Variants in KCNH7 observed in about 807,000 individuals in gnomAD.
KCNH7 encodes the protein voltage-gated inwardly rectifying potassium channel KCNH7.
KCNH7 carries 49 observed loss-of-function variants against 120.8 expected under a neutral mutation model. That is an observed-to-expected ratio of 0.41 (90% CI 0.32 to 0.51). The LOEUF is 0.51. Ranked by LOEUF, KCNH7 falls within the 20% of genes least tolerant of loss-of-function variation. KCNH7 has a pLI of 0.38. For missense variants in KCNH7, 1,097 were observed against 1,446.6 expected (o/e 0.76, Z 3.92); for synonymous variants, 547 against 516.1 (o/e 1.06, Z -0.81).
In KCNH7 at chr2:162,439,141, C is replaced by T. The variant is rs187120776; in HGVS notation, c.1555-3544G>A. Among the ~76,000 whole-genome samples the T allele has an allele frequency of 8.5e-5, 13 of 152,080 alleles. No individual in the cohort carries two copies. In the East Asian group the frequency reaches 2.5e-3, roughly 29 times the overall value. On this transcript the variant is annotated intron_variant, in intron 7 of 15. Transcript: ENST00000332142. The stretch of plus-strand genomic sequence containing the variant: ...TAATATCCAGACATGATGGAAATCC[C>T]AATTTTTTGATTTTTGAAAATATAA...
chr2:162,633,774 C>T (rs2105222094), intron 2 of KCNH7, among the ~76,000 whole-genome samples: 1 of 152,046 alleles, frequency 6.6e-6, no homozygotes, highest in South Asian at 2.1e-4. Flanking sequence ...TTACTCATTT[C>T]AGCTTTGTAA....
intron 2 of KCNH7, among the ~76,000 whole-genome samples, chr2:162,671,902 G>A (rs1685373048): frequency 6.6e-6 from 1 of 151,972 alleles, no homozygotes; most frequent in Non-Finnish European, 1.5e-5. Flanking sequence ...CAAAATATAT[G>A]ATTAAAATTT....
intron 6 of KCNH7, among the ~76,000 whole-genome samples, chr2:162,453,615 G>T (rs1213606583): frequency 6.6e-6 from 1 of 152,036 alleles, no homozygotes; most frequent in African/African-American, 2.4e-5. Flanking sequence ...CCACAGCCTT[G>T]CCAGCGTCTT....
At chr2:162,657,395 A>C (rs1461931421) in intron 2 of KCNH7, among the ~76,000 whole-genome samples, 2 of 152,148 alleles carry the variant, frequency 1.3e-5, no homozygotes, top group Non-Finnish European at 2.9e-5. Flanking sequence ...AATGTTTTAC[A>C]GCTGTCATCT....
At chr2:162,705,909 G>A (rs374566383) in intron 2 of KCNH7, among the ~76,000 whole-genome samples, 7 of 152,052 alleles carry the variant, frequency 4.6e-5, no homozygotes, top group Admixed American at 2.6e-4. Flanking sequence ...GCTCCCAGCC[G>A]GAGTATTCAT....
chr2:162,577,684 A>C (rs186496492), intron 2 of KCNH7, among the ~76,000 whole-genome samples: 1 of 152,118 alleles, frequency 6.6e-6, no homozygotes, highest in African/African-American at 2.4e-5. Flanking sequence ...GAGTCATACC[A>C]ACCTAGATGA....
chr2:162,636,523 T>C (rs1683968454), intron 2 of KCNH7, among the ~76,000 whole-genome samples: 1 of 152,128 alleles, frequency 6.6e-6, no homozygotes, highest in South Asian at 2.1e-4. Flanking sequence ...ATTTTCTTTT[T>C]TGTTGCCAGG....
At chr2:162,428,453 C>T (rs918382521) in intron 8 of KCNH7, among the ~76,000 whole-genome samples, 1 of 151,928 alleles carries the variant, frequency 6.6e-6, no homozygotes, top group Admixed American at 6.6e-5. Context: ...TGTAGCCCAG[C>T]ATATGGCTTG....
chr2:162,836,785 T>C lies in KCNH7; in HGVS notation c.77-18A>G. 6.5e-7 allele frequency: 1 copy of C among 1,548,966 alleles called. No individual in the cohort carries two copies. Among genetic ancestry groups the C allele is most frequent in the Non-Finnish European group, 8.9e-7 (1 of 1,122,390 alleles). On this transcript the variant is annotated intron_variant, in intron 1 of 15. Coordinates refer to ENST00000332142, the MANE Select transcript of KCNH7 (RefSeq NM_033272.4). ...TTTTTTATCTGTAATAAGAAGACAGTATGGCATCTTTGAAAAAGCTTCCAC... is the reference window on the plus strand; with the variant it reads ...TTTTTTATCTGTAATAAGAAGACAGCATGGCATCTTTGAAAAAGCTTCCAC...
intron 6 of KCNH7, among the ~76,000 whole-genome samples, chr2:162,495,969 A>G (rs1246501613): frequency 6.6e-6 from 1 of 152,156 alleles, no homozygotes; most frequent in Non-Finnish European, 1.5e-5. Context: ...GGGATTGTGG[A>G]GCTGTCCTTA....
At chr2:162,382,761 CA>C (rs1028530324) in intron 13 of KCNH7, among the ~76,000 whole-genome samples, 2 of 151,876 alleles carry the variant, frequency 1.3e-5, no homozygotes, top group Non-Finnish European at 2.9e-5. Context: ...CATATTAATG[CA>C]ATATATCATC....
chr2:162,688,150 T>C (rs1039861666), intron 2 of KCNH7, among the ~76,000 whole-genome samples: 4 of 152,302 alleles, frequency 2.6e-5, no homozygotes, highest in South Asian at 4.1e-4. Context: ...TTTACAGTTT[T>C]CCAATGGAGT....
intron 2 of KCNH7, among the ~76,000 whole-genome samples, chr2:162,737,963 G>C (rs1051931884): frequency 6.6e-6 from 1 of 151,168 alleles, no homozygotes; most frequent in Non-Finnish European, 1.5e-5. Flanking sequence ...TACTCTGGAA[G>C]CTGAGGCAGG....
At chr2:162,818,145 A>G (rs186236978) in intron 2 of KCNH7, among the ~76,000 whole-genome samples, 14 of 151,862 alleles carry the variant, frequency 9.2e-5, no homozygotes, top group Non-Finnish European at 1.6e-4. Context: ...TTTTATTCTT[A>G]TAGTTAGTGC....
At chr2:162,722,951 G>A (rs1442430339) in intron 2 of KCNH7, among the ~76,000 whole-genome samples, 1 of 149,020 alleles carries the variant, frequency 6.7e-6, no homozygotes, top group Admixed American at 6.7e-5. Context: ...GCATTCTTCA[G>A]ATCCAAAATT....
chr2:162,627,238 A>G (rs765213804), intron 2 of KCNH7, among the ~76,000 whole-genome samples: 7 of 152,176 alleles, frequency 4.6e-5, no homozygotes, highest in Non-Finnish European at 1.0e-4. Flanking sequence ...AGCAGCAGCT[A>G]TTGGAGAAGT....
At chr2:162,679,365 A>G (rs1371094308) in intron 2 of KCNH7, among the ~76,000 whole-genome samples, 1 of 151,666 alleles carries the variant, frequency 6.6e-6, no homozygotes, top group African/African-American at 2.4e-5. Flanking sequence ...GTATTTAATA[A>G]TAGAGTAGAG....
At chr2:162,533,047 ATAAT>A (rs1355001388) in intron 3 of KCNH7, among the ~76,000 whole-genome samples, 1 of 151,952 alleles carries the variant, frequency 6.6e-6, no homozygotes, top group Non-Finnish European at 1.5e-5. Context: ...TTTTGCCGTA[ATAAT>A]TTTATTTTTG....
intron 6 of KCNH7, among the ~76,000 whole-genome samples, chr2:162,477,007 C>T (rs776884490): frequency 2.0e-5 from 3 of 152,188 alleles, no homozygotes; most frequent in Non-Finnish European, 4.4e-5. Context: ...GAATTAGGAA[C>T]TAGGGCATCT....
Sources: allele counts gnomAD v4.1 joint callset (sites outside exome capture counted in the v4.1 genomes callset), GRCh38; gene constraint gnomAD v4.1.1; transcripts MANE v1.5; gene names NCBI Gene and HGNC (gene_info 2026-07-23, HGNC 2026-07-21).